FAXC: variants seen among roughly 807,000 people sequenced by gnomAD.
FAXC encodes failed axon connections homolog.
In FAXC, 10 loss-of-function variants were observed where a neutral mutation model predicts 41.9. The ratio of observed to expected loss-of-function variants is 0.24; its 90% confidence interval spans 0.15 to 0.41. FAXC has a LOEUF of 0.41. Ranked by LOEUF, FAXC falls within the 10% of genes least tolerant of loss-of-function variation. FAXC has a pLI of 1.00. For synonymous variants in FAXC, 183 were observed against 183.8 expected (o/e 1.00, Z 0.03); for missense variants, 399 against 510.9 (o/e 0.78, Z 2.11).
Position 99,274,861 on chromosome 6 carries a change from C to T in FAXC, c.*6303G>A, listed in dbSNP as rs1000743842. 6.6e-6 allele frequency: 1 copy of T among 152,120 alleles called. No homozygotes were observed. The highest frequency in any genetic ancestry group is 1.5e-5 in the Non-Finnish European group (1 of 68,024). 9.4% of individuals were successfully genotyped at this position (152,120 alleles called of 1,614,324 possible). ...GAGAAGCAAATACGAAAGAACATTTCTGATTCTGAACAATGGAAGAGGAAA... is the reference window on the plus strand; with the variant it reads ...GAGAAGCAAATACGAAAGAACATTTTTGATTCTGAACAATGGAAGAGGAAA... On this transcript the variant is annotated 3_prime_UTR_variant, in exon 6 of 6. Coordinates refer to ENST00000389677, the MANE Select transcript of FAXC (RefSeq NM_032511.4).
At chr6:99,323,763 C>G in intron 3 of FAXC, 96 bp from the exon 4 acceptor site, 1 of 869,762 alleles carries the variant, frequency 1.1e-6, no homozygotes, top group East Asian at 2.6e-5. Flanking sequence ...TTACTACACT[C>G]TGGAGGAACT....
At chr6:99,333,275 G>T in intron 3 of FAXC, 76 bp downstream of exon 3, 1 of 1,264,174 alleles carries the variant, frequency 7.9e-7, no homozygotes, top group Non-Finnish European at 1.1e-6. Context: ...CTGAAACGGT[G>T]GAAAGAGGAT....
At chr6:99,285,471 CA>C (rs1018156955) in intron 5 of FAXC, among the ~76,000 whole-genome samples, 2 of 151,852 alleles carry the variant, frequency 1.3e-5, no homozygotes, top group Non-Finnish European at 2.9e-5. Flanking sequence ...TGAAAACAAA[CA>C]AACTGAAACA....
At chr6:99,323,865 A>T (rs1772683564) in intron 3 of FAXC, among the ~76,000 whole-genome samples, 198 bp from the exon 4 acceptor site, 2 of 152,170 alleles carry the variant, frequency 1.3e-5, no homozygotes, top group South Asian at 4.1e-4. Context: ...TGTGGAAGAA[A>T]TGGGAAAAAA....
At chr6:99,308,661 T>C (rs527656655) in intron 4 of FAXC, among the ~76,000 whole-genome samples, 1 of 150,874 alleles carries the variant, frequency 6.6e-6, no homozygotes, top group East Asian at 1.9e-4. Context: ...TACAGGTACT[T>C]TCCAACACAA....
Position 99,274,103 on chromosome 6 carries a change from G to C in FAXC, c.*7061C>G, listed in dbSNP as rs1014697719. The C allele has an allele frequency of 2.0e-5, 3 of 152,006 alleles. No homozygotes were observed. Among genetic ancestry groups the C allele is most frequent in the African/African-American group, 7.2e-5 (3 of 41,402 alleles). The allele number at this position is 152,006 out of a possible 1,614,324, so 9.4% of individuals were successfully genotyped here. A position where few individuals can be genotyped will look rare whatever the true frequency, so the allele number is the denominator to read the frequency against. On this transcript the variant is annotated 3_prime_UTR_variant, in exon 6 of 6. Coordinates refer to ENST00000389677, the MANE Select transcript of FAXC (RefSeq NM_032511.4). ...AAAAATATATGCCACAAACACTCTT[G>C]AGAGACTAGAAGGAAATTCCAAAAT...
intron 5 of FAXC, among the ~76,000 whole-genome samples, chr6:99,290,660 C>T (rs1170033989): frequency 2.0e-5 from 3 of 151,034 alleles, no homozygotes; most frequent in African/African-American, 7.3e-5. Context: ...CAAGATTGCA[C>T]CACTGCACTC....
chr6:99,325,945 G>A (rs912645673), intron 3 of FAXC, among the ~76,000 whole-genome samples: 4 of 152,158 alleles, frequency 2.6e-5, no homozygotes, highest in Admixed American at 2.0e-4. Context: ...ATAACTGATC[G>A]AGCTCACCGG....
rs1190406077 is a variant in FAXC at position 99,323,371 on chromosome 6, A to G, written c.823+73T>C. On this transcript the variant is annotated intron_variant, in intron 4 of 5. Transcript: ENST00000389677. ...ACCAAAATTAAAACATAAATTAGTGAACCAACAGTGTTTTACTAATCATGC... is the reference window on the plus strand; with the variant it reads ...ACCAAAATTAAAACATAAATTAGTGGACCAACAGTGTTTTACTAATCATGC... The G allele has an allele frequency of 1.4e-5, 19 of 1,321,300 alleles. No individual in the cohort carries two copies. The East Asian group carries it at 4.6e-4, about 32-fold the overall frequency. The allele number at this position is 1,321,300 out of a possible 1,614,324, so 81.8% of individuals were successfully genotyped here.
chr6:99,296,854 A>G (rs170267), intron 4 of FAXC, among the ~76,000 whole-genome samples: 129,747 of 152,144 alleles, frequency 0.85, 55,597 homozygotes, highest in East Asian at 1. Context: ...TGGGGCTGGA[A>G]AATGACAGTT....
At chr6:99,330,133 T>C (rs1772978974) in intron 3 of FAXC, among the ~76,000 whole-genome samples, 1 of 152,016 alleles carries the variant, frequency 6.6e-6, no homozygotes, top group Non-Finnish European at 1.5e-5. Context: ...GTGCTGAGAT[T>C]ACAAGCACGA....
chr6:99,287,820 G>A (rs1049309872), intron 5 of FAXC, among the ~76,000 whole-genome samples: 2 of 152,052 alleles, frequency 1.3e-5, no homozygotes, highest in African/African-American at 4.8e-5. Context: ...AATTACAGCA[G>A]TAGTAGTTTG....
rs1285701203 is a variant in FAXC, at chr6:99,337,024, A to G, written c.403-3477T>C. ...CACTGAAAAAATCCACGCACCCACT[A>G]TCTATTTAGTTTTGAAGAAGAATGT... On this transcript the variant is annotated intron_variant, in intron 2 of 5. Coordinates refer to ENST00000389677, the MANE Select transcript of FAXC (RefSeq NM_032511.4). 3.3e-5 allele frequency among the ~76,000 whole-genome samples: 5 copies of G among 152,286 alleles called. No homozygotes were observed. The East Asian group carries it at 5.8e-4, about 18-fold the overall frequency.
At chr6:99,325,648 C>G (rs1772773632) in intron 3 of FAXC, among the ~76,000 whole-genome samples, 1 of 152,058 alleles carries the variant, frequency 6.6e-6, no homozygotes, top group Non-Finnish European at 1.5e-5. Context: ...TTTTTCACAC[C>G]TGCAGTAATT....
intron 3 of FAXC, 104 bp downstream of exon 3, chr6:99,333,247 T>C (rs1289545088): frequency 1.0e-6 from 1 of 994,002 alleles, no homozygotes; most frequent in Non-Finnish European, 1.5e-6. Context: ...CATCCGAAAC[T>C]GTTAAGGTAG....
chr6:99,301,249 C>T (rs1771694430), intron 4 of FAXC, among the ~76,000 whole-genome samples: 1 of 152,238 alleles, frequency 6.6e-6, no homozygotes, highest in Admixed American at 6.5e-5. Flanking sequence ...ATACACTCAT[C>T]AGTATGCTGG....
Position 99,333,362 on chromosome 6 carries a change from C to T in FAXC, c.588G>A (p.Glu196=). The change falls in exon 3 of 6, where the codon GAG becomes GAA. Residue 196 remains glutamate, a synonymous_variant. Coordinates refer to ENST00000389677, the MANE Select transcript of FAXC (RefSeq NM_032511.4). ...ISRAVTKMVE[E]HFYWTLAYCQ... is the part of the protein sequence containing the mutation. ...CAGAGGGGACTCACCAGTAGAAGTG[C>T]TCCTCCACCATCTTGGTCACCGCTC... The T allele has an allele frequency of 6.2e-7, 1 of 1,611,502 alleles. No homozygotes were observed. Among genetic ancestry groups the T allele is most frequent in the Non-Finnish European group, 8.5e-7 (1 of 1,179,118 alleles).
In FAXC at chr6:99,277,083, G is replaced by C. The variant is rs1399520090; in HGVS notation, c.*4081C>G. ...ATAGAACATTTCAGGAGAAGGACTG[G>C]CATGAGCAGAGGCACAGAGGTGGGC... On this transcript the variant is annotated 3_prime_UTR_variant, in exon 6 of 6. Coordinates refer to ENST00000389677, the MANE Select transcript of FAXC (RefSeq NM_032511.4). 1 of 152,500 alleles carries C rather than the reference G, an allele frequency of 6.6e-6. No individual in the cohort carries two copies. Among genetic ancestry groups the C allele is most frequent in the Non-Finnish European group, 1.5e-5 (1 of 68,268 alleles). 9.4% of individuals were successfully genotyped at this position (152,500 alleles called of 1,614,324 possible). A position where few individuals can be genotyped will look rare whatever the true frequency, so the allele number is the denominator to read the frequency against.
At chr6:99,340,308 C>G (rs1327495974) in intron 2 of FAXC, among the ~76,000 whole-genome samples, 2 of 152,026 alleles carry the variant, frequency 1.3e-5, no homozygotes, top group African/African-American at 4.8e-5. Flanking sequence ...ACCATGTTGG[C>G]CAGGCTGGTC....
Sources: allele counts gnomAD v4.1 joint callset (sites outside exome capture counted in the v4.1 genomes callset), GRCh38; gene constraint gnomAD v4.1.1; transcripts MANE v1.5; gene names NCBI Gene and HGNC (gene_info 2026-07-23, HGNC 2026-07-21).